The following ATP9B variants were observed in gnomAD, a reference collection of about 807,000 sequenced individuals.
The protein encoded by ATP9B is ATPase phospholipid transporting 9B, also known as probable phospholipid-transporting ATPase IIB.
In ATP9B, 110 loss-of-function variants were observed where a neutral mutation model predicts 146.1. The observed-to-expected ratio is 0.75, with a 90% confidence interval of 0.65 to 0.88. The LOEUF (loss-of-function observed/expected upper bound fraction) is 0.88. Among genes scored for constraint, ATP9B ranks in the 40% least tolerant of loss-of-function variants. The probability of loss-of-function intolerance (pLI) is 0.00; values close to 1 mark genes in which losing one functional copy is unlikely to be tolerated. For synonymous variants in ATP9B, 604 were observed against 569.7 expected (o/e 1.06, Z -0.86); for missense variants, 1,499 against 1,496.4 (o/e 1.00, Z -0.03).
At chr18:79,344,893 G>C (rs1176171060) in intron 21 of ATP9B, among the ~76,000 whole-genome samples, 1 of 152,198 alleles carries the variant, frequency 6.6e-6, no homozygotes, top group South Asian at 2.1e-4. Context: ...TTCATGCCTC[G>C]TTTTCTTCGC....
chr18:79,082,764 T>C lies in ATP9B; in HGVS notation c.119+13235T>C, dbSNP rs187705682. Among the ~76,000 whole-genome samples, 12 of 152,342 alleles carry C rather than the reference T, an allele frequency of 7.9e-5. No homozygotes were observed. In the East Asian group the frequency reaches 2.1e-3, roughly 27 times the overall value. Reference sequence around the variant, plus strand: ...CAGAACAGCAAAGATTGCTGCCTGTTTCTTCCTCTGGAAGCTTCGTCCCAA... The same window carrying C: ...CAGAACAGCAAAGATTGCTGCCTGTCTCTTCCTCTGGAAGCTTCGTCCCAA... On this transcript the variant is annotated intron_variant, in intron 1 of 29. Transcript: ENST00000426216.
chr18:79,234,519 C>T (rs141699591), intron 11 of ATP9B, among the ~76,000 whole-genome samples: 1 of 152,336 alleles, frequency 6.6e-6, no homozygotes, highest in Non-Finnish European at 1.5e-5. Flanking sequence ...CAGGGACATC[C>T]ACGGCCAGCT....
At chr18:79,198,203 T>G (rs1171643604) in intron 9 of ATP9B, among the ~76,000 whole-genome samples, 1 of 152,168 alleles carries the variant, frequency 6.6e-6, no homozygotes, top group East Asian at 1.9e-4. Context: ...AGTTTAAAAT[T>G]AGATGGTTTA....
intron 25 of ATP9B, 79 bp from the exon 26 acceptor site, chr18:79,359,275 A>G: frequency 9.3e-7 from 1 of 1,079,174 alleles, no homozygotes; most frequent in East Asian, 2.4e-5. Flanking sequence ...TGAAGCTGTG[A>G]CCTCTAATCC....
At chr18:79,328,103 T>C (rs932924593) in intron 15 of ATP9B, among the ~76,000 whole-genome samples, 7 of 150,086 alleles carry the variant, frequency 4.7e-5, no homozygotes, top group African/African-American at 1.5e-4. Context: ...GTTAGCGTGC[T>C]CTCTGTGGTT....
chr18:79,157,344 C>T (rs940916158), intron 7 of ATP9B, among the ~76,000 whole-genome samples: 5 of 129,076 alleles, frequency 3.9e-5, no homozygotes, highest in African/African-American at 1.5e-4. Flanking sequence ...TGCAGTGAGC[C>T]GAGATTGTGC....
chr18:79,210,809 A>G (rs922827571), intron 10 of ATP9B, among the ~76,000 whole-genome samples: 3 of 152,146 alleles, frequency 2.0e-5, no homozygotes, highest in Non-Finnish European at 4.4e-5. Flanking sequence ...TGCTAACGGT[A>G]TCTAGCAGGT....
chr18:79,150,399 A>C (rs1221502433), intron 6 of ATP9B, among the ~76,000 whole-genome samples: 1 of 152,140 alleles, frequency 6.6e-6, no homozygotes, highest in Admixed American at 6.5e-5. Flanking sequence ...ATGTTGATTC[A>C]AAAAAACCTG....
In ATP9B at chr18:79,196,885, C is replaced by T. The variant is rs529634018; in HGVS notation, c.954+3622C>T. On this transcript the variant is annotated intron_variant, in intron 9 of 29. Coordinates refer to ENST00000426216, the MANE Select transcript of ATP9B (RefSeq NM_198531.5). Reference sequence around the variant, plus strand: ...AAAGATGCTATAAGATAATAAAGTCCGTCATAGGAAACTTTAACATCTACC... The same window carrying T: ...AAAGATGCTATAAGATAATAAAGTCTGTCATAGGAAACTTTAACATCTACC... Among the ~76,000 whole-genome samples, 262 of 152,220 alleles carry T rather than the reference C, an allele frequency of 1.7e-3. 3 individuals carry two copies. The highest frequency in any genetic ancestry group is 5.9e-3 in the African/African-American group (244 of 41,524).
chr18:79,280,739 C>T (rs754869972), intron 13 of ATP9B, among the ~76,000 whole-genome samples: 3 of 151,926 alleles, frequency 2.0e-5, no homozygotes, highest in Admixed American at 1.3e-4. Flanking sequence ...CATACTAGGC[C>T]GTGAGTCAAA....
intron 9 of ATP9B, among the ~76,000 whole-genome samples, chr18:79,193,911 G>A (rs561681566): frequency 6.6e-6 from 1 of 152,294 alleles, no homozygotes; most frequent in South Asian, 2.1e-4. Flanking sequence ...TTGGTCACTT[G>A]CAGGGATTGG....
intron 25 of ATP9B, among the ~76,000 whole-genome samples, chr18:79,355,642 C>T (rs980942859): frequency 6.7e-6 from 1 of 149,316 alleles, no homozygotes; most frequent in African/African-American, 2.5e-5. Context: ...CCGTGGGAGC[C>T]CCGGCCGCTG....
At chr18:79,166,332 G>A (rs2094964218) in intron 7 of ATP9B, among the ~76,000 whole-genome samples, 1 of 152,164 alleles carries the variant, frequency 6.6e-6, no homozygotes, top group South Asian at 2.1e-4. Context: ...AGAAGCAGCT[G>A]CAATGGGACT....
chr18:79,348,016 A>G, intron 24 of ATP9B, 91 bp downstream of exon 24: 1 of 1,597,572 alleles, frequency 6.3e-7, no homozygotes, highest in Admixed American at 1.7e-5. Context: ...GGGGGTGCTG[A>G]GTGCTGCCGG....
chr18:79,284,232 C>A (rs2096410250), intron 13 of ATP9B, among the ~76,000 whole-genome samples: 2 of 152,178 alleles, frequency 1.3e-5, no homozygotes, highest in Non-Finnish European at 2.9e-5. Context: ...TAAACCAAGT[C>A]TCTTATGCAT....
At chr18:79,164,563 A>G (rs867942913) in intron 7 of ATP9B, among the ~76,000 whole-genome samples, 65 of 152,104 alleles carry the variant, frequency 4.3e-4, no homozygotes, top group African/African-American at 1.5e-3. Flanking sequence ...AAAATACAAA[A>G]AAAAAATTAG....
intron 19 of ATP9B, among the ~76,000 whole-genome samples, chr18:79,341,193 T>C (rs1032809528): frequency 2.0e-5 from 3 of 150,536 alleles, no homozygotes; most frequent in Non-Finnish European, 4.4e-5. Context: ...TGTGGTTGGA[T>C]GTGTGTAGCG....
At chr18:79,171,599 A>G (rs1483731084) in intron 7 of ATP9B, among the ~76,000 whole-genome samples, 2 of 151,944 alleles carry the variant, frequency 1.3e-5, no homozygotes, top group Non-Finnish European at 2.9e-5. Context: ...CCTGTAGTAG[A>G]ATATCAGACC....
At chr18:79,245,515 C>A (rs969353643) in intron 11 of ATP9B, among the ~76,000 whole-genome samples, 1 of 152,204 alleles carries the variant, frequency 6.6e-6, no homozygotes, top group African/African-American at 2.4e-5. Flanking sequence ...TCTGAAACTT[C>A]GAAAAGCCTT....
Sources: gnomAD v4.1 joint callset for allele counts (sites outside exome capture counted in the v4.1 genomes callset) on GRCh38, gnomAD v4.1.1 for gene constraint, MANE v1.5 for transcripts, NCBI Gene and HGNC (gene_info 2026-07-23, HGNC 2026-07-21) for gene names.